Variants in DAB2IP observed in about 807,000 individuals in gnomAD.
DAB2IP encodes the protein disabled homolog 2-interacting protein.
Under a neutral mutation model 107.2 loss-of-function variants are expected in DAB2IP, and 28 were observed. The ratio of observed to expected loss-of-function variants is 0.26; its 90% confidence interval spans 0.19 to 0.36. The LOEUF (loss-of-function observed/expected upper bound fraction) is 0.36, where lower values mean the gene tolerates loss of function less well. Ranked by LOEUF, DAB2IP falls within the 10% of genes least tolerant of loss-of-function variation. The probability of loss-of-function intolerance (pLI) is 1.00; values close to 1 mark genes in which losing one functional copy is unlikely to be tolerated. For synonymous variants in DAB2IP, 755 were observed against 706.4 expected (o/e 1.07, Z -1.09); for missense variants, 1,400 against 1,644.7 (o/e 0.85, Z 2.57).
intron 1 of DAB2IP, among the ~76,000 whole-genome samples, chr9:121,632,243 G>A (rs958155583): frequency 1.3e-5 from 2 of 152,220 alleles, no homozygotes; most frequent in Non-Finnish European, 2.9e-5. Context: ...CACCTGTCTC[G>A]CAGAGTTGCT....
intron 1 of DAB2IP, among the ~76,000 whole-genome samples, chr9:121,670,269 G>T (rs532378659): frequency 2.2e-4 from 34 of 152,278 alleles, no homozygotes; most frequent in African/African-American, 8.2e-4. Context: ...CTTTTTTAGG[G>T]CTAAGTAGTA....
upstream of DAB2IP, among the ~76,000 whole-genome samples, chr9:121,651,228 G>A (rs915229759): frequency 1.3e-5 from 2 of 152,242 alleles, no homozygotes; most frequent in African/African-American, 4.8e-5. The surrounding 1 kb of genome is among the most constrained non-coding windows in gnomAD (Gnocchi z 5.1). Flanking sequence ...GCTGGGCCAG[G>A]GCCTGCGGAG....
chr9:121,644,230 G>C (rs1405913084), intron 1 of DAB2IP, among the ~76,000 whole-genome samples: 1 of 151,602 alleles, frequency 6.6e-6, no homozygotes, highest in Non-Finnish European at 1.5e-5. Flanking sequence ...AGGGGAAGGG[G>C]AAGAGGAAGG....
chr9:121,743,000 T>C, intron 3 of DAB2IP: 2 of 985,354 alleles, frequency 2.0e-6, no homozygotes. Flanking sequence ...TTGGGGCCTG[T>C]GGTCCAGGTG....
chr9:121,740,194 G>T (rs973907317), intron 3 of DAB2IP, among the ~76,000 whole-genome samples: 3 of 152,180 alleles, frequency 2.0e-5, no homozygotes, highest in Admixed American at 6.5e-5. Context: ...CACAGCGTAG[G>T]TTTACCAGCA....
At chr9:121,697,931 G>C (rs142925688) in intron 2 of DAB2IP, among the ~76,000 whole-genome samples, 2 of 152,230 alleles carry the variant, frequency 1.3e-5, no homozygotes, top group African/African-American at 4.8e-5. Context: ...TTACCTGTCT[G>C]AGCAAGCTTC....
At chr9:121,568,273 G>T (rs985061663) in intron 1 of DAB2IP, among the ~76,000 whole-genome samples, 1 of 152,166 alleles carries the variant, frequency 6.6e-6, no homozygotes, top group Admixed American at 6.5e-5. Flanking sequence ...TCCAAGGAGA[G>T]GGGCCCTTTG....
At chr9:121,695,996 G>A (rs1431170694) in intron 2 of DAB2IP, among the ~76,000 whole-genome samples, 5 of 151,972 alleles carry the variant, frequency 3.3e-5, no homozygotes, top group African/African-American at 4.8e-5. Context: ...AGCCTCCCGA[G>A]TAGCTGGGAT....
chr9:121,676,703 A>G (rs1019466782), intron 1 of DAB2IP, among the ~76,000 whole-genome samples: 4 of 151,938 alleles, frequency 2.6e-5, no homozygotes, highest in Non-Finnish European at 5.9e-5. Flanking sequence ...TAGGAGACTC[A>G]GGTCTAGTTA....
rs1278991604 is a variant in DAB2IP, at chr9:121,785,162, T to C, written c.*2664T>C. 7 of 152,618 alleles carry C rather than the reference T, an allele frequency of 4.6e-5. No individual in the cohort carries two copies. In the East Asian group the frequency reaches 1.4e-3, roughly 29 times the overall value. 9.5% of individuals were successfully genotyped at this position (152,618 alleles called of 1,614,324 possible). ...TTTCCGACTGCCCAGAAAGTGGGGG[T>C]GGAGGACCGAGGCTACAGCTCCACA... On this transcript the variant is annotated 3_prime_UTR_variant, in exon 16 of 16. Coordinates refer to ENST00000408936, the Ensembl canonical transcript of DAB2IP.
At chr9:121,756,970 C>G (rs1343901164) in intron 3 of DAB2IP, 43 bp from the exon 4 acceptor site, 1 of 1,612,278 alleles carries the variant, frequency 6.2e-7, no homozygotes, top group African/African-American at 1.3e-5. Context: ...CCAGCTTGAC[C>G]CGGGCTGTGG....
intron 1 of DAB2IP, among the ~76,000 whole-genome samples, chr9:121,573,141 A>G (rs1829987622): frequency 6.6e-6 from 1 of 152,036 alleles, no homozygotes; most frequent in Non-Finnish European, 1.5e-5. Context: ...CAATGGCGCA[A>G]TCTCGGCTCA....
At chr9:121,691,840 G>C (rs1223477656) in intron 2 of DAB2IP, among the ~76,000 whole-genome samples, 1 of 152,340 alleles carries the variant, frequency 6.6e-6, no homozygotes, top group Middle Eastern at 3.4e-3. Flanking sequence ...GTGTCAAACA[G>C]TGGAATTTCA....
chr9:121,770,394 C>A (rs1021293294), intron 10 of DAB2IP, 152 bp from the exon 11 acceptor site: 7 of 808,382 alleles, frequency 8.7e-6, no homozygotes, highest in Admixed American at 5.7e-5. Flanking sequence ...GGCTCACCCC[C>A]CTCCCAGACC....
intron 3 of DAB2IP, among the ~76,000 whole-genome samples, chr9:121,743,712 A>G (rs1490768598): frequency 6.6e-6 from 1 of 152,108 alleles, no homozygotes; most frequent in Non-Finnish European, 1.5e-5. Flanking sequence ...ATGCTGAGGG[A>G]TGGTGAGTGG....
chr9:121,625,407 T>A, intron 1 of DAB2IP, among the ~76,000 whole-genome samples: 1 of 151,732 alleles, frequency 6.6e-6, no homozygotes, highest in East Asian at 1.9e-4. Context: ...CCTGGTGAAC[T>A]CTTTTTTTTT....
intron 2 of DAB2IP, among the ~76,000 whole-genome samples, chr9:121,682,972 C>T (rs1181916046): frequency 6.6e-6 from 1 of 152,122 alleles, no homozygotes; most frequent in East Asian, 1.9e-4. Flanking sequence ...GGGGAAGGGG[C>T]CTGGGAGTAG....
intron 3 of DAB2IP, among the ~76,000 whole-genome samples, chr9:121,747,911 T>C (rs1395199759): frequency 6.6e-6 from 1 of 151,858 alleles, no homozygotes; most frequent in African/African-American, 2.4e-5. Context: ...AATGTGTTCC[T>C]GAATGTTTTT....
chr9:121,640,359 CAG>C (rs60885120), intron 1 of DAB2IP, among the ~76,000 whole-genome samples: 12,893 of 151,952 alleles, frequency 0.085, 1,767 homozygotes, highest in African/African-American at 0.29. Flanking sequence ...GAGCCTGTGT[CAG>C]GGGGGCGACA....
Sources: gnomAD v4.1 joint callset for allele counts (sites outside exome capture counted in the v4.1 genomes callset) on GRCh38, gnomAD v4.1.1 for gene constraint, Gnocchi (gnomAD v3.1) non-coding constraint, MANE v1.5 for transcripts, NCBI Gene and HGNC (gene_info 2026-07-23, HGNC 2026-07-21) for gene names.